The following SP100 variants were observed in gnomAD, a reference collection of about 807,000 sequenced individuals.
The protein encoded by SP100 is nuclear autoantigen Sp-100.
SP100 carries 84 observed loss-of-function variants against 130.0 expected under a neutral mutation model. The ratio of observed to expected loss-of-function variants is 0.65; its 90% CI spans 0.54 to 0.77. The LOEUF (loss-of-function observed/expected upper bound fraction) is 0.77. Among genes scored for constraint, SP100 ranks in the 30% least tolerant of loss-of-function variants. SP100 has a pLI of 0.00. For synonymous variants in SP100, 331 were observed against 351.7 expected (o/e 0.94, Z 0.66); for missense variants, 978 against 1,052.2 (o/e 0.93, Z 0.97).
chr2:230,420,076 T>C (rs543820404), intron 2 of SP100, among the ~76,000 whole-genome samples: 3,305 of 152,358 alleles, frequency 0.022, 52 homozygotes, highest in Non-Finnish European at 0.036. Flanking sequence ...AGTAAATCTC[T>C]CCATTTATTC....
At chr2:230,537,462 T>G (rs531024277) in intron 24 of SP100, among the ~76,000 whole-genome samples, 2 of 152,160 alleles carry the variant, frequency 1.3e-5, no homozygotes, top group Non-Finnish European at 2.9e-5. Flanking sequence ...CATAACTTGT[T>G]TGATGACTAA....
chr2:230,416,663 C>A, intron 1 of SP100: 1 of 873,570 alleles, frequency 1.1e-6, no homozygotes, highest in Non-Finnish European at 1.4e-6. Flanking sequence ...TTTCACCCCT[C>A]AGCCTTCCTC....
Position 230,539,355 on chromosome 2 carries a change from G to A in SP100, c.2183G>A (p.Cys728Tyr), listed in dbSNP as rs1490270756. The A allele has an allele frequency of 2.5e-6, 4 of 1,613,556 alleles. No individual in the cohort carries two copies. The highest frequency in any genetic ancestry group is 2.5e-6 in the Non-Finnish European group (3 of 1,179,662). ...DTCPRSFHEH[C>Y]HIPSVEANKN... Reference sequence around the variant, plus strand: ...TGTCCAAGATCCTTTCATGAGCACTGCCACATCCCATCCGTGGAAGCTAAC... The same window carrying A: ...TGTCCAAGATCCTTTCATGAGCACTACCACATCCCATCCGTGGAAGCTAAC... The change falls in exon 25 of 29, where the codon TGC (cysteine) becomes TAC (tyrosine). Residue 728 changes from cysteine (C) to tyrosine (Y), a missense_variant. Transcript: ENST00000340126.
chr2:230,451,905 T>C (rs927047487), intron 8 of SP100, among the ~76,000 whole-genome samples: 2 of 152,264 alleles, frequency 1.3e-5, no homozygotes, highest in Non-Finnish European at 2.9e-5. Context: ...AGATATCCTT[T>C]ACCCATTGCA....
At chr2:230,468,111 C>T (rs528835404) in intron 13 of SP100, among the ~76,000 whole-genome samples, 4 of 152,104 alleles carry the variant, frequency 2.6e-5, no homozygotes, top group African/African-American at 4.8e-5. Flanking sequence ...ACTATTGTTC[C>T]CCCCATTTGA....
intron 25 of SP100, among the ~76,000 whole-genome samples, chr2:230,540,631 A>G (rs531478539): frequency 2.0e-5 from 3 of 152,272 alleles, no homozygotes; most frequent in African/African-American, 7.2e-5. Context: ...TTTGAGGTGA[A>G]TGAGATTCTG....
chr2:230,462,477 A>T lies in SP100; in HGVS notation c.1016A>T (p.Glu339Val). 1 of 1,613,828 alleles carries T rather than the reference A, an allele frequency of 6.2e-7. No homozygotes were observed. The highest frequency in any genetic ancestry group is 2.2e-5 in the East Asian group (1 of 44,852). The change falls in exon 10 of 29, where the codon GAG becomes GTG. Residue 339 changes from glutamate (E) to valine (V), a missense_variant. Coordinates refer to ENST00000340126, the MANE Select transcript of SP100 (RefSeq NM_001080391.2). ...EDSEGSTDVD[E>V]PLEVFISAPR... The stretch of plus-strand genomic sequence containing the variant: ...TCTGAAGGATCCACTGACGTTGATG[A>T]GCCCTTAGAAGTCTTCATCTCAGCA...
At chr2:230,428,498 G>A (rs562829173) in intron 2 of SP100, among the ~76,000 whole-genome samples, 6 of 151,034 alleles carry the variant, frequency 4.0e-5, no homozygotes, top group South Asian at 2.1e-4. Context: ...GCTGGAGTGC[G>A]GTGGCGCGAT....
intron 8 of SP100, among the ~76,000 whole-genome samples, chr2:230,454,257 T>A (rs189684724): frequency 1.3e-5 from 2 of 152,268 alleles, no homozygotes; most frequent in Admixed American, 1.3e-4. Context: ...GTTTTGTTGA[T>A]CTCATTTTTT....
chr2:230,421,415 A>G (rs1203787214), intron 2 of SP100, among the ~76,000 whole-genome samples: 17 of 152,048 alleles, frequency 1.1e-4, no homozygotes, highest in Admixed American at 1.1e-3. Context: ...TTTGTGGATT[A>G]CATGTATACC....
intron 2 of SP100, chr2:230,440,483 G>T: frequency 8.2e-7 from 1 of 1,212,254 alleles, no homozygotes; most frequent in Non-Finnish European, 1.1e-6. Flanking sequence ...TAGGTTTTTG[G>T]AGAGGAATAA....
At chr2:230,488,028 T>C (rs943172108) in intron 17 of SP100, among the ~76,000 whole-genome samples, 6 of 152,326 alleles carry the variant, frequency 3.9e-5, no homozygotes, top group Non-Finnish European at 7.3e-5. Context: ...TTTTTGCACA[T>C]TGATTTTGTA....
chr2:230,517,716 G>C (rs1043964880), intron 24 of SP100, among the ~76,000 whole-genome samples: 1 of 149,732 alleles, frequency 6.7e-6, no homozygotes, highest in African/African-American at 2.5e-5. Flanking sequence ...AGTGAGCCGA[G>C]ATTGCACCAC....
At chr2:230,524,591 A>G (rs1691339634) in intron 24 of SP100, among the ~76,000 whole-genome samples, 1 of 148,700 alleles carries the variant, frequency 6.7e-6, no homozygotes, top group South Asian at 2.1e-4. Flanking sequence ...ATGATGCATA[A>G]AGAATCTTAT....
At chr2:230,434,776 T>C (rs1383241004) in intron 2 of SP100, among the ~76,000 whole-genome samples, 1 of 152,142 alleles carries the variant, frequency 6.6e-6, no homozygotes, top group Non-Finnish European at 1.5e-5. Flanking sequence ...GTGTCTATGC[T>C]AAGTAGAGAA....
rs568440588 is a variant in SP100, at chr2:230,491,724, G to T, written c.1601-2692G>T. Among the ~76,000 whole-genome samples, 8 of 152,270 alleles carry T rather than the reference G, an allele frequency of 5.3e-5. No homozygotes were observed. The East Asian group carries it at 1.5e-3, about 29-fold the overall frequency. The stretch of plus-strand genomic sequence containing the variant: ...CCGTGATCCAAATCACCTTCCACCA[G>T]GCCCCTCCCCCAACACACAAGGATT... On this transcript the variant is annotated intron_variant, in intron 17 of 28. Coordinates refer to ENST00000340126, the MANE Select transcript of SP100 (RefSeq NM_001080391.2).
intron 21 of SP100, 113 bp from the exon 22 acceptor site, chr2:230,506,190 C>A: frequency 9.1e-7 from 1 of 1,104,228 alleles, no homozygotes; most frequent in Non-Finnish European, 1.3e-6. Flanking sequence ...AAAATTCAGA[C>A]TTTACTGCTA....
rs977856007 is a variant in SP100 at position 230,527,350 on chromosome 2, A to C, written c.2095-11917A>C. The stretch of plus-strand genomic sequence containing the variant: ...AAACTTCATAAGTGAAGGAGAAATA[A>C]AATTCTTTACAAACAAGCAAATGCT... On this transcript the variant is annotated intron_variant, in intron 24 of 28. Coordinates refer to ENST00000340126, the MANE Select transcript of SP100 (RefSeq NM_001080391.2). Among the ~76,000 whole-genome samples the C allele has an allele frequency of 2.1e-4, 32 of 152,206 alleles. 1 individual carries two copies. The highest frequency in any genetic ancestry group is 4.6e-4 in the Non-Finnish European group (31 of 68,030).
At chr2:230,417,989 C>T (rs2062659532) in intron 2 of SP100, among the ~76,000 whole-genome samples, 1 of 141,148 alleles carries the variant, frequency 7.1e-6, no homozygotes, top group Admixed American at 7.0e-5. Flanking sequence ...TTGTTATAAA[C>T]GAGGTGATGC....
Sources: allele counts gnomAD v4.1 joint callset (sites outside exome capture counted in the v4.1 genomes callset), GRCh38; gene constraint gnomAD v4.1.1; transcripts MANE v1.5; gene names NCBI Gene and HGNC (gene_info 2026-07-23, HGNC 2026-07-21).